ELOA2: variants seen among roughly 807,000 people sequenced by gnomAD.
ELOA2 encodes the protein elongin-A2.
For synonymous variants in ELOA2, 497 were observed against 398.8 expected, an observed-to-expected ratio of 1.25 and a Z score of -2.94; for missense variants, 1,271 against 979.7, an observed-to-expected ratio of 1.30 and a Z score of -3.97.
Position 47,034,650 on chromosome 18 carries a change from A to C in ELOA2, c.615T>G (p.Pro205=), listed in dbSNP as rs762173912. The part of the protein sequence containing the change: ...RGHTHAAQGG[P]LLCPGCQGQP... ...GGCCCTGGCAGCCTGGACACAGCAG[A>C]GGCCCGCCCTGAGCCGCGTGAGTGT... Residue 205 remains proline (P), a synonymous_variant, in exon 1 of 1, where the codon CCT becomes CCG. Coordinates refer to ENST00000332567, the MANE Select transcript of ELOA2 (RefSeq NM_016427.3). 16 of 1,613,746 alleles carry C rather than the reference A, an allele frequency of 9.9e-6. No homozygotes were observed. Among genetic ancestry groups the C allele is most frequent in the African/African-American group, 2.7e-5 (2 of 74,920 alleles).
In ELOA2 at chr18:47,034,381, G is replaced by A. The variant is rs150224148; in HGVS notation, c.884C>T (p.Pro295Leu). ...ACTGTCTGGAGCCTCCTCCAAGGCAGGGACACGCTGGCCGCTGCCAGCTTG... is the reference window on the plus strand; with the variant it reads ...ACTGTCTGGAGCCTCCTCCAAGGCAAGGACACGCTGGCCGCTGCCAGCTTG... ...GGQAGSGQRVPALEEAPDSHQ... is the reference protein window; with the variant it reads ...GGQAGSGQRVLALEEAPDSHQ... The change falls in exon 1 of 1, where the codon CCT (proline) becomes CTT (leucine). Residue 295 changes from proline (P) to leucine (L), a missense_variant. By Grantham distance (98) the Pro-to-Leu change is moderately conservative. Coordinates refer to ENST00000332567, the MANE Select transcript of ELOA2 (RefSeq NM_016427.3). 2 of 1,614,036 alleles carry A rather than the reference G, an allele frequency of 1.2e-6. No individual in the cohort carries two copies. Among genetic ancestry groups the A allele is most frequent in the Non-Finnish European group, 1.7e-6 (2 of 1,180,012 alleles).
chr18:47,033,706 G>C lies in ELOA2; in HGVS notation c.1559C>G (p.Pro520Arg). 1 of 1,614,186 alleles carries C rather than the reference G, an allele frequency of 6.2e-7. No individual in the cohort carries two copies. Among genetic ancestry groups the C allele is most frequent in the Non-Finnish European group, 8.5e-7 (1 of 1,180,028 alleles). Residue 520 changes from proline (P) to arginine (R), a missense_variant, in exon 1 of 1, where the codon CCT becomes CGT. By Grantham distance (103) the Pro-to-Arg change is moderately radical (BLOSUM62 -2). Coordinates refer to ENST00000332567, the MANE Select transcript of ELOA2 (RefSeq NM_016427.3). ...AKMPVYSGSR[P>R]ACQLQVPTLR... is the part of the protein sequence containing the mutation. ...CGTCGGCACCTGGAGCTGGCAGGCA[G>C]GCCTGGAGCCCGAGTACACCGGCAT...
rs1244890837 is a variant in ELOA2, at chr18:47,033,436, C to T, written c.1829G>A (p.Arg610Gln). The stretch of plus-strand genomic sequence containing the variant: ...CCGCTGCTCTGGGGCGTCCGGAAGC[C>T]GCAGGTACTGCTCCCTCCAAGTTTT... ...ENKTWREQYL[R>Q]LPDAPEQRLR... Residue 610 changes from arginine (R) to glutamine (Q), a missense_variant, in exon 1 of 1, where the codon CGG becomes CAG. By Grantham distance (43) the Arg-to-Gln change is conservative (BLOSUM62 1). Transcript: ENST00000332567. 1.2e-6 allele frequency: 2 copies of T among 1,613,768 alleles called. No individual in the cohort carries two copies. Among genetic ancestry groups the T allele is most frequent in the Non-Finnish European group, 1.7e-6 (2 of 1,180,030 alleles).
chr18:47,035,542 G>C lies in ELOA2; in HGVS notation c.-278C>G. On this transcript the variant is annotated 5_prime_UTR_variant, in exon 1 of 1. Coordinates refer to ENST00000332567, the MANE Select transcript of ELOA2 (RefSeq NM_016427.3). ...CCTCTGCAGTTTGCTGTGCAACAAA[G>C]AATGAAGCTCTGGTGCCAGAGCTGG... The C allele has an allele frequency of 1.5e-6, 1 of 657,268 alleles. No individual in the cohort carries two copies. The highest frequency in any genetic ancestry group is 2.6e-6 in the Non-Finnish European group (1 of 382,288). The allele number at this position is 657,268 out of a possible 1,614,324, so 40.7% of individuals were successfully genotyped here.
In ELOA2 at chr18:47,035,510, G is replaced by A. The variant is rs1348835826; in HGVS notation, c.-246C>T. 70 of 770,190 alleles carry A rather than the reference G, an allele frequency of 9.1e-5. 2 individuals carry two copies. In the Middle Eastern group the frequency reaches 1.6e-3, roughly 17 times the overall value. The allele number at this position is 770,190 out of a possible 1,614,324, so 47.7% of individuals were successfully genotyped here. A position where few individuals can be genotyped will look rare whatever the true frequency, so the allele number is the denominator to read the frequency against. On this transcript the variant is annotated 5_prime_UTR_variant, in exon 1 of 1. Coordinates refer to ENST00000332567, the MANE Select transcript of ELOA2 (RefSeq NM_016427.3). ...TCCTCGGGATGTGGAGCCACAGCCT[G>A]GAGTGACCTCTGCAGTTTGCTGTGC...
In ELOA2 at chr18:47,034,713, A is replaced by G. The variant is rs1261987056; in HGVS notation, c.552T>C (p.Pro184=). The stretch of plus-strand genomic sequence containing the variant: ...GTTGCTTCCCGGGCGCAGCGGGCTC[A>G]GGGCCCTCGGGCATCCGGAGGGGAG... ...RTAPLRMPEG[P]EPAAPGKQPG... The change falls in exon 1 of 1, where the codon CCT becomes CCC. Residue 184 remains proline (P), a synonymous_variant. Transcript: ENST00000332567. The G allele has an allele frequency of 2.5e-6, 4 of 1,612,822 alleles. No homozygotes were observed. The African/African-American group carries it at 5.3e-5, about 22-fold the overall frequency.
Position 47,034,267 on chromosome 18 carries a change from G to A in ELOA2, c.998C>T (p.Ser333Leu), listed in dbSNP as rs777566839. Residue 333 changes from serine (S) to leucine (L), a missense_variant, in exon 1 of 1, where the codon TCG becomes TTG. Coordinates refer to ENST00000332567, the MANE Select transcript of ELOA2 (RefSeq NM_016427.3). ...GGAAAGCTGCTCTTTCTCCTCGGGC[G>A]ACAGGCCGTGTGTCCCATTTCCTGG... ...RDPGNGTHGLSPEEKEQLSND... is the reference protein window; with the variant it reads ...RDPGNGTHGLLPEEKEQLSND... The A allele has an allele frequency of 2.5e-6, 4 of 1,613,962 alleles. No homozygotes were observed. Among genetic ancestry groups the A allele is most frequent in the East Asian group, 2.2e-5 (1 of 44,872 alleles).
Position 47,032,674 on chromosome 18 carries a change from G to T in ELOA2, c.*329C>A. On this transcript the variant is annotated 3_prime_UTR_variant, in exon 1 of 1. Coordinates refer to ENST00000332567, the MANE Select transcript of ELOA2 (RefSeq NM_016427.3). The stretch of plus-strand genomic sequence containing the variant: ...ATCTACTTGATTTCGAAAAAAAAAA[G>T]AAAGGAAAAAGGAAATCTCACATCT... 5.3e-6 allele frequency: 2 copies of T among 374,990 alleles called. No individual in the cohort carries two copies. Among genetic ancestry groups the T allele is most frequent in the Non-Finnish European group, 9.6e-6 (2 of 209,424 alleles). The allele number at this position is 374,990 out of a possible 1,614,324, so 23.2% of individuals were successfully genotyped here.
Position 47,034,716 on chromosome 18 carries a change from G to T in ELOA2, c.549C>A (p.Gly183=). 6.2e-7 allele frequency: 1 copy of T among 1,612,986 alleles called. No individual in the cohort carries two copies. The highest frequency in any genetic ancestry group is 8.5e-7 in the Non-Finnish European group (1 of 1,179,902). ...GCTTCCCGGGCGCAGCGGGCTCAGG[G>T]CCCTCGGGCATCCGGAGGGGAGCTG... ...TRTAPLRMPE[G]PEPAAPGKQP... Residue 183 remains glycine, a synonymous_variant, in exon 1 of 1, where the codon GGC becomes GGA. Transcript: ENST00000332567.
chr18:47,032,691 C>A lies in ELOA2; in HGVS notation c.*312G>T. 4.7e-6 allele frequency: 2 copies of A among 423,564 alleles called. No homozygotes were observed. The highest frequency in any genetic ancestry group is 8.3e-6 in the Non-Finnish European group (2 of 241,416). The allele number at this position is 423,564 out of a possible 1,614,324, so 26.2% of individuals were successfully genotyped here. A position where few individuals can be genotyped will look rare whatever the true frequency, so the allele number is the denominator to read the frequency against. ...AAAAAAAAGAAAGGAAAAAGGAAAT[C>A]TCACATCTTTTTCCTTATTTATGAT... On this transcript the variant is annotated 3_prime_UTR_variant, in exon 1 of 1. Transcript: ENST00000332567.
Position 47,035,550 on chromosome 18 carries a change from C to A in ELOA2, c.-286G>T, listed in dbSNP as rs1029216885. On this transcript the variant is annotated 5_prime_UTR_variant, in exon 1 of 1. Coordinates refer to ENST00000332567, the MANE Select transcript of ELOA2 (RefSeq NM_016427.3). ...GTTTGCTGTGCAACAAAGAATGAAG[C>A]TCTGGTGCCAGAGCTGGGCCTTATG... is the stretch of plus-strand genomic sequence containing the variant. 3 of 635,512 alleles carry A rather than the reference C, an allele frequency of 4.7e-6. No homozygotes were observed. The highest frequency in any genetic ancestry group is 8.2e-6 in the Non-Finnish European group (3 of 364,776). The allele number at this position is 635,512 out of a possible 1,614,324, so 39.4% of individuals were successfully genotyped here.
Position 47,034,602 on chromosome 18 carries a change from C to G in ELOA2, c.663G>C (p.Val221=). The change falls in exon 1 of 1, where the codon GTG becomes GTC. Residue 221 remains valine (V), a synonymous_variant. Transcript: ENST00000332567. ...ACGATTTGTGCCCCTTGCTGTGGCT[C>G]ACAACGGCTTTCCCCTGGGGTTGGC... ...CQGQPQGKAV[V]SHSKGHKSSR... is the part of the protein sequence containing the mutation. The G allele has an allele frequency of 6.2e-7, 1 of 1,614,186 alleles. No individual in the cohort carries two copies. The highest frequency in any genetic ancestry group is 1.1e-5 in the South Asian group (1 of 91,088).
Position 47,034,297 on chromosome 18 carries a change from C to T in ELOA2, c.968G>A (p.Arg323Gln), listed in dbSNP as rs1350477341. The T allele has an allele frequency of 5.0e-6, 8 of 1,613,436 alleles. No individual in the cohort carries two copies. Among genetic ancestry groups the T allele is most frequent in the South Asian group, 1.1e-5 (1 of 91,084 alleles). ...GCCGTGTGTCCCATTTCCTGGGTCC[C>T]GGCCGTCTAGACTGGGCCTCTTCTT... is the stretch of plus-strand genomic sequence containing the variant. The part of the protein sequence containing the change: ...SNKKRPSLDG[R>Q]DPGNGTHGLS... The change falls in exon 1 of 1, where the codon CGG (arginine) becomes CAG (glutamine). Residue 323 changes from arginine (R) to glutamine (Q), a missense_variant. By Grantham distance (43) the Arg-to-Gln change is conservative. Transcript: ENST00000332567.
In ELOA2 at chr18:47,034,275, G is replaced by A. The variant is rs775710661; in HGVS notation, c.990C>T (p.His330=). The part of the protein sequence containing the change: ...LDGRDPGNGT[H]GLSPEEKEQL... ...GCTCTTTCTCCTCGGGCGACAGGCC[G>A]TGTGTCCCATTTCCTGGGTCCCGGC... Residue 330 remains histidine (H), a synonymous_variant, in exon 1 of 1, where the codon CAC becomes CAT. Transcript: ENST00000332567. 78 of 1,613,764 alleles carry A rather than the reference G, an allele frequency of 4.8e-5. No homozygotes were observed. The highest frequency in any genetic ancestry group is 6.5e-5 in the Non-Finnish European group (77 of 1,179,762).
Position 47,034,971 on chromosome 18 carries a change from G to A in ELOA2, c.294C>T (p.Arg98=). 4.3e-6 allele frequency: 7 copies of A among 1,611,720 alleles called. 1 individual carries two copies. The highest frequency in any genetic ancestry group is 5.9e-6 in the Non-Finnish European group (7 of 1,179,634). Residue 98 remains arginine (R), a synonymous_variant, in exon 1 of 1, where the codon CGC becomes CGT. Transcript: ENST00000332567. The part of the protein sequence containing the change: ...QDPEESASRQ[R]FGEALQDQEK... ...CCTGGTCCTGAAGAGCCTCCCCGAA[G>A]CGCTGTCGGGAAGCGCTCTCCTCAG...
chr18:47,034,665 C>G lies in ELOA2; in HGVS notation c.600G>C (p.Ala200=), dbSNP rs756430696. ...GKQPGRGHTH[A]AQGGPLLCPG... ...GACACAGCAGAGGCCCGCCCTGAGC[C>G]GCGTGAGTGTGGCCTCTTCCGGGTT... Residue 200 remains alanine, a synonymous_variant, in exon 1 of 1, where the codon GCG becomes GCC. Coordinates refer to ENST00000332567, the MANE Select transcript of ELOA2 (RefSeq NM_016427.3). 1.2e-5 allele frequency: 20 copies of G among 1,613,486 alleles called. No homozygotes were observed. Among genetic ancestry groups the G allele is most frequent in the East Asian group, 4.5e-5 (2 of 44,874 alleles).
rs1371279407 is a variant in ELOA2, at chr18:47,033,920, C to G, written c.1345G>C (p.Ala449Pro). Residue 449 changes from alanine to proline, a missense_variant, in exon 1 of 1, where the codon GCC (alanine) becomes CCC (proline). Coordinates refer to ENST00000332567, the MANE Select transcript of ELOA2 (RefSeq NM_016427.3). ...TGGCTGGGCACCGTTTTCGGCCCGG[C>G]GGAATCAGCGCCGGCCGCCTGCAGC... ...ERLQAAGADS[A>P]GPKTVPSHVF... The G allele has an allele frequency of 1.2e-6, 2 of 1,612,998 alleles. No individual in the cohort carries two copies. The highest frequency in any genetic ancestry group is 4.5e-5 in the East Asian group (2 of 44,874).
Position 47,034,140 on chromosome 18 carries a change from T to A in ELOA2, c.1125A>T (p.Glu375Asp), listed in dbSNP as rs774428462. ...SEVEEVDMAE[E>D]FEQPTLSCEK... is the part of the protein sequence containing the mutation. ...CACATGACAGAGTGGGCTGCTCGAATTCCTCAGCCATATCTACCTCCTCCA... is the reference window on the plus strand; with the variant it reads ...CACATGACAGAGTGGGCTGCTCGAAATCCTCAGCCATATCTACCTCCTCCA... The change falls in exon 1 of 1, where the codon GAA (glutamate) becomes GAT (aspartate). Residue 375 changes from glutamate (E) to aspartate (D), a missense_variant. By Grantham distance (45) the Glu-to-Asp change is conservative. Coordinates refer to ENST00000332567, the MANE Select transcript of ELOA2 (RefSeq NM_016427.3). 1.2e-6 allele frequency: 2 copies of A among 1,614,088 alleles called. No individual in the cohort carries two copies. Among genetic ancestry groups the A allele is most frequent in the African/African-American group, 2.7e-5 (2 of 74,942 alleles).
Position 47,032,899 on chromosome 18 carries a change from A to T in ELOA2, c.*104T>A. ...AATTCAAAGGCTCAACTTTGCACCAAGTTAAAGGTTCTGGTGTCCATTGGA... is the reference window on the plus strand; with the variant it reads ...AATTCAAAGGCTCAACTTTGCACCATGTTAAAGGTTCTGGTGTCCATTGGA... On this transcript the variant is annotated 3_prime_UTR_variant, in exon 1 of 1. Coordinates refer to ENST00000332567, the MANE Select transcript of ELOA2 (RefSeq NM_016427.3). 6.3e-7 allele frequency: 1 copy of T among 1,596,764 alleles called. No individual in the cohort carries two copies. The highest frequency in any genetic ancestry group is 8.5e-7 in the Non-Finnish European group (1 of 1,170,862).
Sources: allele counts gnomAD v4.1 joint callset, GRCh38; gene constraint gnomAD v4.1.1; transcripts MANE v1.5; gene names NCBI Gene and HGNC (gene_info 2026-07-23, HGNC 2026-07-21).